The following PWWP2A variants were observed in gnomAD, a reference collection of about 807,000 sequenced individuals.
PWWP2A encodes the protein PWWP domain-containing protein 2A.
In PWWP2A, 18 loss-of-function variants were observed where a neutral mutation model predicts 48.5. The ratio of observed to expected loss-of-function variants is 0.37; its 90% confidence interval spans 0.26 to 0.55. The LOEUF (loss-of-function observed/expected upper bound fraction) is 0.55, where lower values mean the gene tolerates loss of function less well. Among genes scored for constraint, PWWP2A ranks in the 20% least tolerant of loss-of-function variants. PWWP2A has a pLI of 0.81. For missense variants in PWWP2A, 867 were observed against 976.4 expected (o/e 0.89, Z 1.49); for synonymous variants, 396 against 387.7 (o/e 1.02, Z -0.25).
intron 1 of PWWP2A, among the ~76,000 whole-genome samples, chr5:160,096,304 C>G (rs1755645492): frequency 6.6e-6 from 1 of 152,184 alleles, no homozygotes; most frequent in South Asian, 2.1e-4. Flanking sequence ...TCAGACTGCA[C>G]AGAAAGTTGC....
intron 4 of PWWP2A, among the ~76,000 whole-genome samples, chr5:160,064,676 G>A (rs1007109600): frequency 3.9e-5 from 6 of 152,148 alleles, no homozygotes; most frequent in African/African-American, 1.4e-4. Context: ...GATTCCCAGA[G>A]AGAGCCAGCA....
At chr5:160,088,572 T>G (rs1353242661), downstream of PWWP2A, among the ~76,000 whole-genome samples, 1 of 152,160 alleles carries the variant, frequency 6.6e-6, no homozygotes, top group African/African-American at 2.4e-5. Flanking sequence ...TTTTAAGAGA[T>G]TGTTTTAATA....
At chr5:160,103,105 T>C (rs1756483985) in intron 1 of PWWP2A, among the ~76,000 whole-genome samples, 1 of 152,192 alleles carries the variant, frequency 6.6e-6, no homozygotes, top group Non-Finnish European at 1.5e-5. Context: ...TCTCAAACAG[T>C]TCAGGAAACA....
intron 1 of PWWP2A, among the ~76,000 whole-genome samples, chr5:160,116,295 G>A (rs964367812): frequency 6.6e-6 from 1 of 152,042 alleles, no homozygotes; most frequent in Non-Finnish European, 1.5e-5. Context: ...GCGCTCAAGT[G>A]ATCTGCCTGC....
the PWWP2A span, among the ~76,000 whole-genome samples, chr5:160,046,093 A>G: frequency 3.3e-5 from 5 of 152,094 alleles, no homozygotes; most frequent in Admixed American, 6.6e-5. Flanking sequence ...TTCTCCTTCA[A>G]TTGCTGTACC....
the PWWP2A span, among the ~76,000 whole-genome samples, chr5:160,044,974 T>C: frequency 6.6e-6 from 1 of 152,222 alleles, no homozygotes. Context: ...TATATTATAA[T>C]ATAGAAGACC....
intron 4 of PWWP2A, among the ~76,000 whole-genome samples, chr5:160,066,295 C>CTTTT (rs748083955): frequency 0.015 from 869 of 57,750 alleles, 25 homozygotes; most frequent in African/African-American, 0.038. Flanking sequence ...AAGTGGTTCT[C>CTTTT]ATTTTTTTTT....
At chr5:160,080,136 ATT>A (rs1342552529) in intron 3 of PWWP2A, among the ~76,000 whole-genome samples, 2 of 152,232 alleles carry the variant, frequency 1.3e-5, no homozygotes, top group African/African-American at 4.8e-5. Context: ...ACCCTCTGGA[ATT>A]TTGACTTGCT....
Position 160,113,296 on chromosome 5 carries a change from A to C in PWWP2A, c.584+5509T>G. The C allele has an allele frequency of 5.1e-6, 5 of 980,932 alleles. 1 individual carries two copies. Among genetic ancestry groups the C allele is most frequent in the Non-Finnish European group, 6.1e-6 (5 of 825,772 alleles). The allele number at this position is 980,932 out of a possible 1,614,324, so 60.8% of individuals were successfully genotyped here. ...TTTCACAGAATGATTCTCCTCAAAA[A>C]TGTGTTCTCCAACCAAATAAATCTG... On this transcript the variant is annotated intron_variant, in intron 1 of 1. Transcript: ENST00000307063.
At chr5:160,067,324 CAGAT>C (rs1203404394) in intron 2 of PWWP2A, among the ~76,000 whole-genome samples, 1 of 152,034 alleles carries the variant, frequency 6.6e-6, no homozygotes, top group East Asian at 1.9e-4. Flanking sequence ...ATACAAAATA[CAGAT>C]AGACACCTTG....
intron 2 of PWWP2A, among the ~76,000 whole-genome samples, chr5:160,081,142 A>G (rs934489842): frequency 3.9e-5 from 6 of 152,062 alleles, no homozygotes; most frequent in African/African-American, 7.2e-5. Flanking sequence ...ACGTTAGCCT[A>G]TGTTGGAGAA....
At chr5:160,107,511 ATAAC>A (rs1340453756) in intron 1 of PWWP2A, among the ~76,000 whole-genome samples, 1 of 152,256 alleles carries the variant, frequency 6.6e-6, no homozygotes, top group Non-Finnish European at 1.5e-5. Context: ...ATAGACAAAA[ATAAC>A]TACTAACACA....
intron 1 of PWWP2A, among the ~76,000 whole-genome samples, chr5:160,117,054 T>C (rs1453861975): frequency 6.6e-6 from 1 of 151,988 alleles, no homozygotes; most frequent in Non-Finnish European, 1.5e-5. Context: ...ATTGTACCAC[T>C]GCAGCCTGGA....
intron 1 of PWWP2A, among the ~76,000 whole-genome samples, chr5:160,108,028 T>C (rs1757075474): frequency 6.6e-6 from 1 of 152,006 alleles, no homozygotes; most frequent in African/African-American, 2.4e-5. Context: ...AAACCCCAAG[T>C]CCAATAAAAC....
chr5:160,088,938 C>T (rs185536946), downstream of PWWP2A, among the ~76,000 whole-genome samples: 374 of 152,298 alleles, frequency 2.5e-3, 3 homozygotes, highest in Middle Eastern at 0.01. Flanking sequence ...AGGAGTGTAA[C>T]TCAATTTAAT....
chr5:160,064,906 T>C, intron 4 of PWWP2A: 1 of 1,602,996 alleles, frequency 6.2e-7, no homozygotes, highest in Non-Finnish European at 8.5e-7. Flanking sequence ...CCTGTATTCA[T>C]TTGAGTTTTT....
At chr5:160,058,374 C>T (rs1313879141), downstream of PWWP2A, among the ~76,000 whole-genome samples, 2 of 152,026 alleles carry the variant, frequency 1.3e-5, no homozygotes, top group Non-Finnish European at 2.9e-5. Context: ...GGTATTTTGA[C>T]CATCTCAGCA....
chr5:160,074,619 G>A (rs1248042628), downstream of PWWP2A, among the ~76,000 whole-genome samples: 1 of 151,240 alleles, frequency 6.6e-6, no homozygotes, highest in Non-Finnish European at 1.5e-5. Flanking sequence ...GGTGGCGCAT[G>A]CCTGTAAACT....
At chr5:160,074,053 A>T (rs1353869183), downstream of PWWP2A, among the ~76,000 whole-genome samples, 2 of 142,936 alleles carry the variant, frequency 1.4e-5, no homozygotes, top group Non-Finnish European at 3.1e-5. Flanking sequence ...TGACAGAGTG[A>T]GACTCCGTTT....
Sources: allele counts gnomAD v4.1 joint callset (sites outside exome capture counted in the v4.1 genomes callset), GRCh38; gene constraint gnomAD v4.1.1; transcripts MANE v1.5; gene names NCBI Gene and HGNC (gene_info 2026-07-23, HGNC 2026-07-21).